Variants in KCNIP4 observed in about 807,000 individuals in gnomAD.
The protein encoded by KCNIP4 is Kv channel-interacting protein 4.
Under a neutral mutation model 34.0 loss-of-function variants are expected in KCNIP4, and 12 were observed. The ratio of observed to expected loss-of-function variants is 0.35; its 90% CI spans 0.23 to 0.57. The LOEUF is 0.57. Ranked by LOEUF, KCNIP4 falls within the 20% of genes least tolerant of loss-of-function variation. The pLI, the probability that KCNIP4 is intolerant of heterozygous loss-of-function variation, is 0.83. For missense variants in KCNIP4, 238 were observed against 311.7 expected (o/e 0.76, Z 1.78); for synonymous variants, 124 against 102.2 (o/e 1.21, Z -1.29).
chr4:21,286,175 A>G (rs1404437281), intron 1 of KCNIP4, among the ~76,000 whole-genome samples: 1 of 152,186 alleles, frequency 6.6e-6, no homozygotes, highest in Non-Finnish European at 1.5e-5. Context: ...CCTCACAGCT[A>G]TCAACTTTCA....
At chr4:21,412,291 A>C (rs1482122564) in intron 1 of KCNIP4, among the ~76,000 whole-genome samples, 3 of 152,162 alleles carry the variant, frequency 2.0e-5, no homozygotes, top group Admixed American at 6.5e-5. Context: ...ATCCCATTGC[A>C]TCTCATGAAA....
intron 1 of KCNIP4, chr4:20,983,732 A>C (rs757245993): frequency 5.6e-5 from 64 of 1,146,214 alleles, no homozygotes; most frequent in Non-Finnish European, 7.6e-5. Flanking sequence ...TTTGAGTATT[A>C]AGGCTTCTTA....
At chr4:20,744,070 C>G (rs1751837570) in intron 5 of KCNIP4, among the ~76,000 whole-genome samples, 1 of 152,194 alleles carries the variant, frequency 6.6e-6, no homozygotes, top group Non-Finnish European at 1.5e-5. Flanking sequence ...GAGATACCAT[C>G]TCACACCAGT....
At chr4:20,913,136 C>T (rs960288168) in intron 1 of KCNIP4, among the ~76,000 whole-genome samples, 1 of 151,868 alleles carries the variant, frequency 6.6e-6, no homozygotes, top group African/African-American at 2.4e-5. Context: ...CCACAATGTC[C>T]ATTAACTGAT....
At chr4:21,254,150 A>G (rs1019369189) in intron 1 of KCNIP4, among the ~76,000 whole-genome samples, 5 of 152,212 alleles carry the variant, frequency 3.3e-5, no homozygotes, top group African/African-American at 1.2e-4. Flanking sequence ...GACATTGTAA[A>G]TGTATATATA....
chr4:21,714,569 A>G (rs969904392), intron 1 of KCNIP4, among the ~76,000 whole-genome samples: 21 of 138,754 alleles, frequency 1.5e-4, no homozygotes, highest in African/African-American at 4.9e-4. Flanking sequence ...TTAATGGGGG[A>G]AGGAGAAGAA....
At chr4:20,980,382 G>C (rs1038770650) in intron 1 of KCNIP4, among the ~76,000 whole-genome samples, 25 of 152,210 alleles carry the variant, frequency 1.6e-4, no homozygotes, top group African/African-American at 5.1e-4. Context: ...AAGTGGATAT[G>C]TGCAAAATTT....
chr4:21,647,124 A>G (rs1747078751), intron 1 of KCNIP4, among the ~76,000 whole-genome samples: 1 of 152,052 alleles, frequency 6.6e-6, no homozygotes, highest in Non-Finnish European at 1.5e-5. Context: ...GTTTAATATT[A>G]AATATATCTT....
At chr4:20,865,058 G>A (rs956763076) in intron 2 of KCNIP4, among the ~76,000 whole-genome samples, 20 of 152,152 alleles carry the variant, frequency 1.3e-4, no homozygotes, top group African/African-American at 4.6e-4. Context: ...TATCATATCT[G>A]AGCAATGTGA....
chr4:20,942,420 C>T (rs1196485357), intron 1 of KCNIP4, among the ~76,000 whole-genome samples: 1 of 152,166 alleles, frequency 6.6e-6, no homozygotes, highest in African/African-American at 2.4e-5. Flanking sequence ...TAGAACATCT[C>T]CAAGGATGCA....
intron 1 of KCNIP4, among the ~76,000 whole-genome samples, chr4:21,313,956 G>A (rs1277446219): frequency 2.0e-5 from 3 of 152,206 alleles, no homozygotes; most frequent in Non-Finnish European, 4.4e-5. Context: ...TCTGGGTACA[G>A]GTTAGCAGAG....
chr4:21,736,656 T>A (rs1450101173), intron 1 of KCNIP4, among the ~76,000 whole-genome samples: 1 of 152,192 alleles, frequency 6.6e-6, no homozygotes, highest in Admixed American at 6.6e-5. Flanking sequence ...AAGACTCAAG[T>A]CACATCAGTT....
At chr4:21,094,557 A>G (rs1218100001) in intron 1 of KCNIP4, among the ~76,000 whole-genome samples, 1 of 152,202 alleles carries the variant, frequency 6.6e-6, no homozygotes, top group Non-Finnish European at 1.5e-5. Flanking sequence ...AGGGTCCCCT[A>G]GATGGTTCCA....
chr4:21,036,366 A>C (rs991294009), intron 1 of KCNIP4, among the ~76,000 whole-genome samples: 8 of 152,222 alleles, frequency 5.3e-5, no homozygotes, highest in African/African-American at 1.9e-4. Flanking sequence ...CAGGCAAGGG[A>C]TATGGAATAC....
intron 1 of KCNIP4, among the ~76,000 whole-genome samples, chr4:21,402,112 C>T (rs1200849931): frequency 1.3e-4 from 20 of 152,172 alleles, no homozygotes; most frequent in Non-Finnish European, 1.5e-5. Flanking sequence ...CTCCAGGTTA[C>T]TTATGGTAGA....
chr4:21,510,501 T>C (rs994196977), intron 1 of KCNIP4, among the ~76,000 whole-genome samples: 2 of 152,184 alleles, frequency 1.3e-5, no homozygotes, highest in African/African-American at 4.8e-5. Flanking sequence ...TGGGTGTTTT[T>C]TTTTACTTGG....
intron 3 of KCNIP4, among the ~76,000 whole-genome samples, chr4:20,817,397 G>C (rs1371442904): frequency 1.3e-5 from 2 of 151,992 alleles, no homozygotes; most frequent in South Asian, 4.1e-4. Context: ...CCCTGTTCTC[G>C]ACTAAAACCC....
chr4:21,901,854 T>A lies in KCNIP4; in HGVS notation c.61+46717A>T, dbSNP rs371293830. Among the ~76,000 whole-genome samples the A allele has an allele frequency of 1.4e-4, 21 of 152,124 alleles. No individual in the cohort carries two copies. In the South Asian group the frequency reaches 3.3e-3, roughly 24 times the overall value. ...ATGTAGGTTGAAAAATCTGGGGAAG[T>A]TCCCATGTTCAGAATAGGCCCTCCT... On this transcript the variant is annotated intron_variant, in intron 1 of 8. Coordinates refer to ENST00000382152, the MANE Select transcript of KCNIP4 (RefSeq NM_025221.6).
chr4:20,800,090 G>C (rs1157948819), intron 3 of KCNIP4, among the ~76,000 whole-genome samples: 1 of 152,160 alleles, frequency 6.6e-6, no homozygotes, highest in Non-Finnish European at 1.5e-5. Flanking sequence ...CAAAGTTCTT[G>C]CCATAATAAC....
Sources: allele counts gnomAD v4.1 joint callset (sites outside exome capture counted in the v4.1 genomes callset), GRCh38; gene constraint gnomAD v4.1.1; transcripts MANE v1.5; gene names NCBI Gene and HGNC (gene_info 2026-07-23, HGNC 2026-07-21).